PARD3B: variants seen among roughly 807,000 people sequenced by gnomAD.
PARD3B encodes the protein partitioning defective 3 homolog B.
A neutral mutation model predicts 130.2 loss-of-function variants in PARD3B; 103 were observed. The ratio of observed to expected loss-of-function variants is 0.79; its 90% CI spans 0.67 to 0.93. The LOEUF (loss-of-function observed/expected upper bound fraction) is 0.93, where lower values mean the gene tolerates loss of function less well. Among genes scored for constraint, PARD3B ranks in the 40% least tolerant of loss-of-function variants. PARD3B has a pLI of 0.00. For missense variants in PARD3B, 1,609 were observed against 1,499.2 expected (o/e 1.07, Z -1.21); for synonymous variants, 583 against 553.2 (o/e 1.05, Z -0.76).
intron 3 of PARD3B, among the ~76,000 whole-genome samples, chr2:204,990,565 A>G (rs1418063169): frequency 1.3e-5 from 2 of 151,910 alleles, no homozygotes; most frequent in Non-Finnish European, 2.9e-5. Flanking sequence ...CTATCATTCT[A>G]CTCTCTGATT....
chr2:205,100,701 T>C (rs1473782568), intron 4 of PARD3B, among the ~76,000 whole-genome samples: 1 of 152,088 alleles, frequency 6.6e-6, no homozygotes, highest in East Asian at 1.9e-4. Context: ...TTTTGGAAAA[T>C]TCATTTTCTT....
At chr2:205,337,213 T>C (rs1476413967) in intron 18 of PARD3B, among the ~76,000 whole-genome samples, 1 of 152,206 alleles carries the variant, frequency 6.6e-6, no homozygotes, top group Non-Finnish European at 1.5e-5. Flanking sequence ...GGTGAAGACA[T>C]GCCTAGTTGA....
chr2:205,601,242 TCTAA>T (rs1219565759), intron 22 of PARD3B, among the ~76,000 whole-genome samples: 1 of 152,234 alleles, frequency 6.6e-6, no homozygotes, highest in Admixed American at 6.5e-5. Flanking sequence ...TTTGTATTTC[TCTAA>T]CAATCAATGA....
rs2046068722 is a variant in PARD3B at position 205,397,342 on chromosome 2, T to C, written c.2631-3671T>C. On this transcript the variant is annotated intron_variant, in intron 18 of 22. Coordinates refer to ENST00000406610, the MANE Select transcript of PARD3B (RefSeq NM_001302769.2). This position sits in a 1 kb window ranked among gnomAD's most constrained non-coding sequence, Gnocchi z 4.8. ...ACTTTAAATCAAAGCATTTATAATA[T>C]TTGTAGAATTGCTTGATTTGACTGT... Among the ~76,000 whole-genome samples, 1 of 152,220 alleles carries C rather than the reference T, an allele frequency of 6.6e-6. No homozygotes were observed. The highest frequency in any genetic ancestry group is 1.5e-5 in the Non-Finnish European group (1 of 68,038).
intron 2 of PARD3B, among the ~76,000 whole-genome samples, chr2:204,750,842 T>A (rs1232134605): frequency 6.6e-6 from 1 of 152,198 alleles, no homozygotes; most frequent in African/African-American, 2.4e-5. Flanking sequence ...ATATAATATC[T>A]TCATCAGATT....
chr2:205,156,936 A>G (rs1484866672), intron 10 of PARD3B, among the ~76,000 whole-genome samples: 3 of 152,208 alleles, frequency 2.0e-5, no homozygotes, highest in Non-Finnish European at 4.4e-5. Flanking sequence ...CAGTCTTGCT[A>G]AGAATTAAAT....
Position 205,440,801 on chromosome 2 carries a change from G to A in PARD3B, c.3044+129G>A. ...TGAAACGAGTCAGTACCCTAGACAAGTGCCATCCTTTGACCGACCTGTAAG... is the reference window on the plus strand; with the variant it reads ...TGAAACGAGTCAGTACCCTAGACAAATGCCATCCTTTGACCGACCTGTAAG... On this transcript the variant is annotated intron_variant, in intron 20 of 22. Coordinates refer to ENST00000406610, the MANE Select transcript of PARD3B (RefSeq NM_001302769.2). The surrounding 1 kb of genome is among the most constrained non-coding windows in gnomAD (Gnocchi z 4.2). 1.0e-6 allele frequency: 1 copy of A among 983,764 alleles called. No individual in the cohort carries two copies. Among genetic ancestry groups the A allele is most frequent in the Non-Finnish European group, 1.5e-6 (1 of 679,232 alleles). The allele number at this position is 983,764 out of a possible 1,614,324, so 60.9% of individuals were successfully genotyped here.
At chr2:205,069,423 A>G (rs1240378580) in intron 4 of PARD3B, among the ~76,000 whole-genome samples, 2 of 152,208 alleles carry the variant, frequency 1.3e-5, no homozygotes, top group East Asian at 1.9e-4. Context: ...AGTCTAATCT[A>G]TTTAAATGTA....
chr2:205,076,033 G>A (rs1311048459), intron 4 of PARD3B, among the ~76,000 whole-genome samples: 5 of 151,946 alleles, frequency 3.3e-5, no homozygotes, highest in African/African-American at 4.8e-5. Flanking sequence ...AATTAAATTC[G>A]TGCAGTATCC....
chr2:204,881,527 C>T (rs2046048800), intron 2 of PARD3B, among the ~76,000 whole-genome samples: 1 of 151,724 alleles, frequency 6.6e-6, no homozygotes, highest in South Asian at 2.1e-4. Context: ...AAGGACTCAC[C>T]AGTGTTATTT....
At chr2:205,014,156 C>T (rs964579632) in intron 3 of PARD3B, among the ~76,000 whole-genome samples, 3 of 152,118 alleles carry the variant, frequency 2.0e-5, no homozygotes, top group African/African-American at 7.2e-5. Flanking sequence ...ACCATGTATT[C>T]AATAAAAATA....
chr2:204,630,733 G>T (rs2034650280), intron 1 of PARD3B, among the ~76,000 whole-genome samples: 1 of 152,058 alleles, frequency 6.6e-6, no homozygotes. Context: ...TTCAAGTTCA[G>T]ATTTTATAGT....
chr2:205,403,269 T>C (rs2046314312), intron 19 of PARD3B, among the ~76,000 whole-genome samples: 1 of 152,214 alleles, frequency 6.6e-6, no homozygotes, highest in African/African-American at 2.4e-5. Flanking sequence ...TCAAAATATT[T>C]AATGCACCTA....
intron 4 of PARD3B, among the ~76,000 whole-genome samples, chr2:205,050,099 T>C (rs1458435889): frequency 6.6e-6 from 1 of 151,798 alleles, no homozygotes; most frequent in Non-Finnish European, 1.5e-5. Context: ...GTTTTGGACT[T>C]AGGAATGCAA....
intron 21 of PARD3B, among the ~76,000 whole-genome samples, chr2:205,513,504 AAG>A (rs1434452431): frequency 3.9e-5 from 6 of 152,110 alleles, no homozygotes; most frequent in Non-Finnish European, 8.8e-5. Context: ...TTAGAAACTT[AAG>A]AGTTTCCTAG....
intron 1 of PARD3B, among the ~76,000 whole-genome samples, chr2:204,565,757 A>C (rs1314259232): frequency 6.6e-6 from 1 of 152,180 alleles, no homozygotes; most frequent in African/African-American, 2.4e-5. Context: ...TTCATCTGCC[A>C]GTCATTCCCT....
At chr2:204,586,250 CA>C (rs1230627092) in intron 1 of PARD3B, among the ~76,000 whole-genome samples, 3 of 152,166 alleles carry the variant, frequency 2.0e-5, no homozygotes, top group Non-Finnish European at 4.4e-5. Flanking sequence ...ATTGAGATAG[CA>C]AAGGGATTCC....
chr2:205,311,908 T>C (rs958619631), intron 18 of PARD3B, among the ~76,000 whole-genome samples: 3 of 152,198 alleles, frequency 2.0e-5, no homozygotes, highest in African/African-American at 4.8e-5. Flanking sequence ...CCAGAGTGTG[T>C]AGGTGGGTTT....
At chr2:205,001,601 C>T (rs1306137944) in intron 3 of PARD3B, among the ~76,000 whole-genome samples, 1 of 152,176 alleles carries the variant, frequency 6.6e-6, no homozygotes, top group Non-Finnish European at 1.5e-5. Flanking sequence ...AGTGATAAAC[C>T]TGGGTGGTCT....
Sources: gnomAD v4.1 joint callset for allele counts (sites outside exome capture counted in the v4.1 genomes callset) on GRCh38, gnomAD v4.1.1 for gene constraint, Gnocchi (gnomAD v3.1) non-coding constraint, MANE v1.5 for transcripts, NCBI Gene and HGNC (gene_info 2026-07-23, HGNC 2026-07-21) for gene names.